The following GUK1 variants were observed in gnomAD, a reference collection of about 807,000 sequenced individuals.
The protein encoded by GUK1 is guanylate kinase.
In GUK1, 18 loss-of-function variants were observed where a neutral mutation model predicts 25.2. That is an observed-to-expected ratio of 0.71 (90% CI 0.49 to 1.06). GUK1 has a LOEUF of 1.06. Among genes scored for constraint, GUK1 ranks in the 50% least tolerant of loss-of-function variants. The pLI is 0.00. For missense variants in GUK1, 261 were observed against 276.7 expected (o/e 0.94, Z 0.40); for synonymous variants, 105 against 117.6 (o/e 0.89, Z 0.69).
At chr1:228,143,045 G>T (rs1466633720) in intron 2 of GUK1, among the ~76,000 whole-genome samples, 1 of 152,178 alleles carries the variant, frequency 6.6e-6, no homozygotes, top group African/African-American at 2.4e-5. Flanking sequence ...TCTTCTGCCT[G>T]TGGGCCCAGC....
chr1:228,142,221 G>A (rs914316803), intron 2 of GUK1, among the ~76,000 whole-genome samples: 1 of 152,268 alleles, frequency 6.6e-6, no homozygotes, highest in African/African-American at 2.4e-5. Context: ...GCTGGCCAGG[G>A]CCCCCAGTAG....
At position 228,141,147 on chromosome 1, in the gene GUK1, G is replaced by A. The variant is rs899591091; in HGVS notation, c.-144G>A. On this transcript the variant is annotated 5_prime_UTR_variant, in exon 2 of 9. Transcript: ENST00000312726. Reference sequence around the variant, plus strand: ...AGGCTTGCTCTGCTCTTTACCTGGGGTTGCTGTCGAGGACCCTGTGCAAGA... The same window carrying A: ...AGGCTTGCTCTGCTCTTTACCTGGGATTGCTGTCGAGGACCCTGTGCAAGA... The A allele has an allele frequency of 7.1e-6, 7 of 985,756 alleles. 1 individual carries two copies. Among genetic ancestry groups the A allele is most frequent in the South Asian group, 9.4e-5 (2 of 21,314 alleles). 61.1% of individuals were successfully genotyped at this position (985,756 alleles called of 1,614,324 possible). A position where few individuals can be genotyped will look rare whatever the true frequency, so the allele number is the denominator to read the frequency against.
chr1:228,145,736 C>A, intron 3 of GUK1, 112 bp downstream of exon 2: 1 of 1,296,430 alleles, frequency 7.7e-7, no homozygotes, highest in Non-Finnish European at 1.1e-6. Flanking sequence ...ACCCTGCAGA[C>A]TGTCCGAACT....
At position 228,147,414 on chromosome 1, in the gene GUK1, C is replaced by T. The variant is rs780342328; in HGVS notation, c.260C>T (p.Ala87Val). ...CTGGCACCTCTCCCCAGCAAGGTGG[C>T]GGTGCAGGCCGTGCAGGCCATGAAC... Residue 87 changes from alanine to valine, a missense_variant, in exon 6 of 9, where the codon GCG becomes GTG. By Grantham distance (64) the Ala-to-Val change is moderately conservative (BLOSUM62 0). Transcript: ENST00000312726. 3.9e-5 allele frequency: 63 copies of T among 1,610,210 alleles called. No homozygotes were observed. Among genetic ancestry groups the T allele is most frequent in the Non-Finnish European group, 4.7e-5 (55 of 1,178,924 alleles).
At chr1:228,146,985 A>C in intron 5 of GUK1, 47 bp downstream of exon 4, 1 of 1,260,598 alleles carries the variant, frequency 7.9e-7, no homozygotes, top group South Asian at 1.2e-5. Context: ...TGCTGTTGGC[A>C]ACAGGGATCC....
In GUK1 at chr1:228,148,425, C is replaced by A; in HGVS notation, c.530C>A (p.Ala177Asp). 6.4e-7 allele frequency: 1 copy of A among 1,571,576 alleles called. No individual in the cohort carries two copies. Among genetic ancestry groups the A allele is most frequent in the Admixed American group, 1.8e-5 (1 of 54,962 alleles). ...ATCATTAACGACAGCCTGGACCAGG[C>A]CTACGCAGAGCTGAAGGAGGCGCTC... The change falls in exon 8 of 9, where the codon GCC (alanine) becomes GAC (aspartate). Residue 177 changes from alanine (A) to aspartate (D), a missense_variant. Transcript: ENST00000312726.
chr1:228,145,068 A>G (rs2034290873), intron 2 of GUK1: 2 of 158,050 alleles, frequency 1.3e-5, no homozygotes, highest in Non-Finnish European at 1.4e-5. Context: ...CATGGGAGCA[A>G]ATGGCTGGAC....
At position 228,148,945 on chromosome 1, in the gene GUK1, A is replaced by C; in HGVS notation, c.*248A>C. The C allele has an allele frequency of 2.9e-6, 3 of 1,046,386 alleles. No homozygotes were observed. Among genetic ancestry groups the C allele is most frequent in the Non-Finnish European group, 4.1e-6 (3 of 738,794 alleles). The allele number at this position is 1,046,386 out of a possible 1,614,324, so 64.8% of individuals were successfully genotyped here. A position where few individuals can be genotyped will look rare whatever the true frequency, so the allele number is the denominator to read the frequency against. On this transcript the variant is annotated 3_prime_UTR_variant, in exon 9 of 9. Coordinates refer to ENST00000312726, the MANE Select transcript of GUK1 (RefSeq NM_000858.7). ...CTAATAAAATAACTGTTGGATTAGA[A>C]ACTCCATAAATGAGTGGAATGTGGC...
intron 2 of GUK1, chr1:228,144,829 TAG>T: frequency 5.4e-6 from 3 of 558,264 alleles, no homozygotes; most frequent in Non-Finnish European, 6.8e-6. Flanking sequence ...GTGTCCAAGC[TAG>T]GATCCTGTTT....
At chr1:228,144,072 TTGTGTGTGTGTTTGTGTGTGCATGCA>T (rs989605867) in intron 2 of GUK1, among the ~76,000 whole-genome samples, 2 of 143,396 alleles carry the variant, frequency 1.4e-5, no homozygotes, top group African/African-American at 4.9e-5. Context: ...GTGCGTGCAT[TTGTGTGTGTGTTTGTGTGTGCATGCA>T]TGTGTGTGTG....
At chr1:228,148,559 C>T in intron 8 of GUK1, 103 bp downstream of exon 7, 1 of 1,371,010 alleles carries the variant, frequency 7.3e-7, no homozygotes, top group Non-Finnish European at 1.0e-6. Context: ...GACAGTCCTA[C>T]CCAAGCACTG....
intron 1 of GUK1, among the ~76,000 whole-genome samples, chr1:228,140,632 T>C (rs972444319): frequency 6.6e-6 from 1 of 152,112 alleles, no homozygotes; most frequent in East Asian, 1.9e-4. Flanking sequence ...TCCCCGGGCG[T>C]ATAGGAGCGC....
At chr1:228,142,654 G>C (rs150717799) in intron 2 of GUK1, among the ~76,000 whole-genome samples, 35 of 152,168 alleles carry the variant, frequency 2.3e-4, no homozygotes, top group African/African-American at 8.0e-4. Context: ...GGGCCCTGTG[G>C]TGAAGAGACA....
chr1:228,147,799 C>T (rs2034471339), intron 7 of GUK1, 100 bp downstream of exon 6: 3 of 958,726 alleles, frequency 3.1e-6, no homozygotes, highest in South Asian at 3.1e-5. Flanking sequence ...CCTCCTGACA[C>T]CTGGAGTCCC....
intron 4 of GUK1, 59 bp from the exon 4 acceptor site, chr1:228,146,783 C>A: frequency 8.6e-7 from 1 of 1,162,868 alleles, no homozygotes. Flanking sequence ...GGGCAGCTGG[C>A]CCTGGGCACC....
chr1:228,147,037 C>A, intron 5 of GUK1, 99 bp downstream of exon 4: 2 of 838,304 alleles, frequency 2.4e-6, no homozygotes, highest in South Asian at 1.4e-5. Context: ...ACCACCCACC[C>A]CATGGTTATG....
rs2034406369 is a variant in GUK1 at position 228,146,847 on chromosome 1, T to C, written c.160T>C (p.Tyr54His). 6.2e-7 allele frequency: 1 copy of C among 1,608,992 alleles called. No individual in the cohort carries two copies. The highest frequency in any genetic ancestry group is 8.5e-7 in the Non-Finnish European group (1 of 1,175,442). The change falls in exon 5 of 9, where the codon TAC becomes CAC. Residue 54 changes from tyrosine (Y) to histidine (H), a missense_variant. Tyr to His is a moderately conservative substitution (Grantham distance 83). Coordinates refer to ENST00000312726, the MANE Select transcript of GUK1 (RefSeq NM_000858.7). ...TGGCCCCTCCTCTTCCCCAGATTAC[T>C]ACTTTGTAACCAGGGAGGTGATGCA...
chr1:228,145,937 G>A lies in GUK1; in HGVS notation c.113-89G>A. On this transcript the variant is annotated intron_variant, in intron 3 of 8. Transcript: ENST00000312726. ...CTTCACTGGCTGCCTGCATCCTGGGGCTCAAGTGCTGTCGGGACTGCAAGG... is the reference window on the plus strand; with the variant it reads ...CTTCACTGGCTGCCTGCATCCTGGGACTCAAGTGCTGTCGGGACTGCAAGG... 13 of 968,684 alleles carry A rather than the reference G, an allele frequency of 1.3e-5. No individual in the cohort carries two copies. The South Asian group carries it at 1.5e-4, about 11-fold the overall frequency. The allele number at this position is 968,684 out of a possible 1,614,324, so 60.0% of individuals were successfully genotyped here. A position where few individuals can be genotyped will look rare whatever the true frequency, so the allele number is the denominator to read the frequency against.
chr1:228,140,748 C>G (rs888205742), intron 1 of GUK1, among the ~76,000 whole-genome samples: 1 of 152,256 alleles, frequency 6.6e-6, no homozygotes, highest in Non-Finnish European at 1.5e-5. Flanking sequence ...ACCCTGCAAG[C>G]CTTGGGGTCC....
Sources: allele counts gnomAD v4.1 joint callset (sites outside exome capture counted in the v4.1 genomes callset), GRCh38; gene constraint gnomAD v4.1.1; transcripts MANE v1.5; gene names NCBI Gene and HGNC (gene_info 2026-07-23, HGNC 2026-07-21).